The following VWA8 variants were observed in gnomAD, a reference collection of about 807,000 sequenced individuals.
VWA8 encodes von Willebrand factor A domain-containing protein 8.
Under a neutral mutation model 241.5 loss-of-function variants are expected in VWA8, and 221 were observed. That is an observed-to-expected ratio of 0.91 (90% CI 0.82 to 1.02). The LOEUF (loss-of-function observed/expected upper bound fraction) is 1.02, where lower values mean the gene tolerates loss of function less well. Among genes scored for constraint, VWA8 ranks in the 50% least tolerant of loss-of-function variants. VWA8 has a pLI of 0.00. For synonymous variants in VWA8, 852 were observed against 827.1 expected (o/e 1.03, Z -0.52); for missense variants, 2,322 against 2,328.7 (o/e 1.00, Z 0.06).
At chr13:41,595,724 G>A (rs2044483742) in intron 40 of VWA8, among the ~76,000 whole-genome samples, 1 of 152,194 alleles carries the variant, frequency 6.6e-6, no homozygotes, top group Middle Eastern at 3.4e-3. Context: ...GTATTCCATT[G>A]TATGACTTTG....
At chr13:41,923,335 A>T (rs1876654607) in intron 2 of VWA8, among the ~76,000 whole-genome samples, 1 of 152,092 alleles carries the variant, frequency 6.6e-6, no homozygotes, top group Admixed American at 6.6e-5. Flanking sequence ...ATCTAATGTA[A>T]ATGATGAGTT....
chr13:41,822,442 T>G (rs958432980), intron 14 of VWA8, among the ~76,000 whole-genome samples: 1 of 152,202 alleles, frequency 6.6e-6, no homozygotes, highest in Non-Finnish European at 1.5e-5. Context: ...TGTAGCAAAC[T>G]GCATGAACAC....
At chr13:41,848,766 G>A (rs1872397584) in intron 12 of VWA8, among the ~76,000 whole-genome samples, 2 of 152,134 alleles carry the variant, frequency 1.3e-5, no homozygotes, top group Non-Finnish European at 2.9e-5. Context: ...AATACACAGG[G>A]CAGCCTTCCC....
In VWA8 at chr13:41,750,886, T is replaced by TAAA. The variant is rs72030945; in HGVS notation, c.2426+10239_2426+10241dup. 4.7e-3 allele frequency among the ~76,000 whole-genome samples: 669 copies of TAAA among 143,844 alleles called. 3 individuals carry two copies. The highest frequency in any genetic ancestry group is 7.2e-3 in the Middle Eastern group (2 of 276). 94.4% of individuals were successfully genotyped at this position (143,844 alleles called of 152,430 possible). A position where few individuals can be genotyped will look rare whatever the true frequency, so the allele number is the denominator to read the frequency against. ...TAGAATGTTACATAAACATATTTGA[T>TAAA]AAAAAAAAAAAAAAACTCAAGCACA... On this transcript the variant is annotated intron_variant, in intron 21 of 44. Coordinates refer to ENST00000379310, the MANE Select transcript of VWA8 (RefSeq NM_015058.2).
Position 41,871,412 on chromosome 13 carries a change from G to A in VWA8, c.1081-2935C>T, listed in dbSNP as rs1279568901. 2.0e-5 allele frequency among the ~76,000 whole-genome samples: 3 copies of A among 151,964 alleles called. No homozygotes were observed. The East Asian group carries it at 5.8e-4, about 29-fold the overall frequency. ...GCTGGTGTGCTGCACCCACTAACTC[G>A]TCATCTAGCATTAGGTATATCTCCC... On this transcript the variant is annotated intron_variant, in intron 9 of 44. Transcript: ENST00000379310.
At chr13:41,905,673 T>A (rs1875675812) in intron 4 of VWA8, among the ~76,000 whole-genome samples, 1 of 152,022 alleles carries the variant, frequency 6.6e-6, no homozygotes, top group East Asian at 1.9e-4. Context: ...TTTTTAGGAG[T>A]CCAAGTTGTT....
chr13:41,833,602 A>C (rs35383891), intron 12 of VWA8, 71 bp from the exon 13 acceptor site: 6 of 1,461,678 alleles, frequency 4.1e-6, no homozygotes, highest in East Asian at 2.5e-5. Flanking sequence ...GGTAGCTTAC[A>C]TGGCTTTATA....
chr13:41,605,248 C>T lies in VWA8; in HGVS notation c.4906G>A (p.Asp1636Asn), dbSNP rs780628817. The change falls in exon 40 of 45, where the codon GAT becomes AAT. Residue 1636 changes from aspartate (D) to asparagine (N), a missense_variant. By Grantham distance (23) the Asp-to-Asn change is conservative (BLOSUM62 1). Coordinates refer to ENST00000379310, the MANE Select transcript of VWA8 (RefSeq NM_015058.2). The part of the protein sequence containing the change: ...RLKEIQMSEY[D>N]AATYERFSGA... ...GAAAACCTTTCATAGGTTGCAGCAT[C>T]GTATTCACTCATTTGGATCTCCTTT... 43 of 1,612,996 alleles carry T rather than the reference C, an allele frequency of 2.7e-5. No individual in the cohort carries two copies. Among genetic ancestry groups the T allele is most frequent in the Admixed American group, 8.3e-5 (5 of 59,942 alleles).
Position 41,689,502 on chromosome 13 carries a change from T to A in VWA8, c.3983A>T (p.Glu1328Val). The change falls in exon 34 of 45, where the codon GAG becomes GTG. Residue 1328 changes from glutamate to valine, a missense_variant. Glu to Val is a moderately radical substitution (Grantham distance 121, BLOSUM62 -2). Transcript: ENST00000379310. ...STGFGVTQET[E>V]FSIPHKISSD... ...GGAAATTTTATGAGGTATGCTGAAC[T>A]CTGTTTCTGAAAAGTACAAACATTA... The A allele has an allele frequency of 6.2e-7, 1 of 1,605,004 alleles. No individual in the cohort carries two copies. Among genetic ancestry groups the A allele is most frequent in the African/African-American group, 1.3e-5 (1 of 74,722 alleles).
chr13:41,606,316 T>C (rs2044553620), intron 39 of VWA8, among the ~76,000 whole-genome samples: 1 of 152,154 alleles, frequency 6.6e-6, no homozygotes. Flanking sequence ...AATGAATGAC[T>C]GAAATAAAAA....
At chr13:41,568,754 C>CTGAG (rs1030498852) in intron 44 of VWA8, among the ~76,000 whole-genome samples, 48 of 152,294 alleles carry the variant, frequency 3.2e-4, no homozygotes, top group Non-Finnish European at 5.9e-4. Context: ...CAGCCAAACC[C>CTGAG]TGAGTGGTTC....
chr13:41,929,555 A>G (rs1371040872), intron 2 of VWA8, among the ~76,000 whole-genome samples: 2 of 152,234 alleles, frequency 1.3e-5, no homozygotes, highest in East Asian at 3.8e-4. Flanking sequence ...TGGCAAAAAA[A>G]AGACAGACAC....
At chr13:41,889,297 T>C (rs1196438212) in intron 5 of VWA8, among the ~76,000 whole-genome samples, 2 of 152,144 alleles carry the variant, frequency 1.3e-5, no homozygotes, top group Non-Finnish European at 2.9e-5. Context: ...TAAAAACTTA[T>C]GTGTTTATAC....
intron 35 of VWA8, among the ~76,000 whole-genome samples, chr13:41,680,033 C>G (rs2045087512): frequency 6.6e-6 from 1 of 152,016 alleles, no homozygotes; most frequent in Non-Finnish European, 1.5e-5. Flanking sequence ...ATCCCCCACT[C>G]CCGATTTTCC....
chr13:41,811,219 GT>G lies in VWA8; in HGVS notation c.2063+5del, dbSNP rs752381318. 6.3e-7 allele frequency: 1 copy of G among 1,598,000 alleles called. No homozygotes were observed. Among genetic ancestry groups the G allele is most frequent in the East Asian group, 2.2e-5 (1 of 44,618 alleles). On this transcript the variant is annotated splice_donor_5th_base_variant and intron_variant, in intron 17 of 44. Transcript: ENST00000379310. ...ACTTACACGCAGTGAGAAAGAATATGTTTACCTGGAAAGGCAGGCTTTAGTA... is the reference window on the plus strand; with the variant it reads ...ACTTACACGCAGTGAGAAAGAATATGTTACCTGGAAAGGCAGGCTTTAGTA...
chr13:41,876,074 A>G (rs1486316985), intron 9 of VWA8, among the ~76,000 whole-genome samples: 4 of 152,076 alleles, frequency 2.6e-5, no homozygotes, highest in Non-Finnish European at 5.9e-5. Context: ...CCTTCAAAAC[A>G]TAACCCAAAT....
intron 23 of VWA8, among the ~76,000 whole-genome samples, chr13:41,727,516 T>TA (rs531959095): frequency 2.1e-4 from 32 of 152,274 alleles, no homozygotes; most frequent in Admixed American, 1.0e-3. Context: ...AAGCATATAC[T>TA]AAATTGTACA....
At chr13:41,670,814 T>G in intron 37 of VWA8, 132 bp downstream of exon 37, 1 of 1,000,512 alleles carries the variant, frequency 1.0e-6, no homozygotes, top group Non-Finnish European at 1.4e-6. Context: ...ATTTTGTATC[T>G]AAAAATTCTT....
Position 41,811,352 on chromosome 13 carries a change from C to T in VWA8, c.1948-12G>A, listed in dbSNP as rs765077609. ...GCTAATGATTGTGCCTATCAAAAGA[C>T]AAATACATTGTGTTAAGAGTCTTGT... On this transcript the variant is annotated splice_polypyrimidine_tract_variant and intron_variant, in intron 16 of 44. Coordinates refer to ENST00000379310, the MANE Select transcript of VWA8 (RefSeq NM_015058.2). 6.3e-7 allele frequency: 1 copy of T among 1,599,444 alleles called. No homozygotes were observed. The highest frequency in any genetic ancestry group is 2.2e-5 in the East Asian group (1 of 44,672).
Sources: gnomAD v4.1 joint callset for allele counts (sites outside exome capture counted in the v4.1 genomes callset) on GRCh38, gnomAD v4.1.1 for gene constraint, MANE v1.5 for transcripts, NCBI Gene and HGNC (gene_info 2026-07-23, HGNC 2026-07-21) for gene names.